Variants in TXNRD1 observed in about 807,000 individuals in gnomAD.
TXNRD1 encodes thioredoxin reductase 1, cytoplasmic.
A neutral mutation model predicts 80.3 loss-of-function variants in TXNRD1; 57 were observed. The ratio of observed to expected loss-of-function variants is 0.71; its 90% CI spans 0.57 to 0.89. The LOEUF (loss-of-function observed/expected upper bound fraction) is 0.89. Among genes scored for constraint, TXNRD1 ranks in the 40% least tolerant of loss-of-function variants. The pLI is 0.00. For synonymous variants in TXNRD1, 291 were observed against 285.2 expected, an observed-to-expected ratio of 1.02 and a Z score of -0.20; for missense variants, 730 against 803.0, an observed-to-expected ratio of 0.91 and a Z score of 1.10.
At chr12:104,300,579 C>T (rs928843299) in intron 4 of TXNRD1, among the ~76,000 whole-genome samples, 2 of 152,202 alleles carry the variant, frequency 1.3e-5, no homozygotes, top group Admixed American at 6.5e-5. Context: ...AAAGATTAAC[C>T]GGCATGGAAA....
intron 1 of TXNRD1, among the ~76,000 whole-genome samples, chr12:104,223,030 T>C (rs1319468521): frequency 3.9e-5 from 6 of 152,226 alleles, no homozygotes; most frequent in Non-Finnish European, 8.8e-5. Flanking sequence ...TGGTCCAGTA[T>C]GACATTGAAA....
At chr12:104,261,741 C>A (rs894101166) in intron 3 of TXNRD1, among the ~76,000 whole-genome samples, 1 of 152,012 alleles carries the variant, frequency 6.6e-6, no homozygotes, top group Non-Finnish European at 1.5e-5. Context: ...TGAAACAATG[C>A]CAGTCTTCTC....
intron 4 of TXNRD1, among the ~76,000 whole-genome samples, chr12:104,308,258 G>A (rs1221619717): frequency 2.6e-5 from 4 of 152,082 alleles, no homozygotes; most frequent in Non-Finnish European, 4.4e-5. Context: ...GCCTCTCAAA[G>A]TGCTGGGATT....
intron 4 of TXNRD1, among the ~76,000 whole-genome samples, chr12:104,310,311 G>C (rs1423038256): frequency 1.3e-5 from 2 of 152,040 alleles, no homozygotes; most frequent in Non-Finnish European, 2.9e-5. Flanking sequence ...CACTACACCT[G>C]GCTAATTTTT....
chr12:104,248,379 G>A (rs1480594182), intron 1 of TXNRD1, among the ~76,000 whole-genome samples: 1 of 152,164 alleles, frequency 6.6e-6, no homozygotes, highest in South Asian at 2.1e-4. Flanking sequence ...CCACCTCCTG[G>A]GTTCAAGCAG....
intron 3 of TXNRD1, 195 bp from the exon 4 acceptor site, chr12:104,288,736 G>C: frequency 1.4e-6 from 2 of 1,448,000 alleles, no homozygotes; most frequent in Non-Finnish European, 1.8e-6. Context: ...GATTTGCCGG[G>C]GTCAGACTCC....
At chr12:104,348,049 A>C (rs2036550061) in intron 16 of TXNRD1, among the ~76,000 whole-genome samples, 1 of 152,134 alleles carries the variant, frequency 6.6e-6, no homozygotes, top group South Asian at 2.1e-4. Context: ...TTTATGGTGA[A>C]TTTCTTTTAG....
chr12:104,267,241 C>CTCTTTCTTTCTTTCTTTCTTCCTT (rs2033516128), intron 3 of TXNRD1, among the ~76,000 whole-genome samples: 1 of 85,750 alleles, frequency 1.2e-5, no homozygotes, highest in Non-Finnish European at 2.1e-5. Flanking sequence ...ATTTTCTTTT[C>CTCTTTCTTTCTTTCTTTCTTCCTT]TCTTTCTTTC....
At chr12:104,304,172 G>T in intron 4 of TXNRD1, 1 of 1,614,080 alleles carries the variant, frequency 6.2e-7, no homozygotes, top group Non-Finnish European at 8.5e-7. Flanking sequence ...CTTTGATGGC[G>T]TGAGCCGAAC....
At chr12:104,329,753 C>T (rs1231779160) in intron 13 of TXNRD1, among the ~76,000 whole-genome samples, 1 of 152,214 alleles carries the variant, frequency 6.6e-6, no homozygotes, top group Non-Finnish European at 1.5e-5. Flanking sequence ...CTACAGACCT[C>T]AAGAACTCTC....
chr12:104,254,642 A>ATATATATAT (rs1555207862), intron 2 of TXNRD1, among the ~76,000 whole-genome samples: 8 of 104,542 alleles, frequency 7.7e-5, no homozygotes, highest in African/African-American at 3.2e-4. Context: ...AAAAAAAAAA[A>ATATATATAT]AAATATATAT....
intron 1 of TXNRD1, among the ~76,000 whole-genome samples, chr12:104,231,753 T>TA (rs2032628932): frequency 6.6e-6 from 1 of 152,224 alleles, no homozygotes; most frequent in Non-Finnish European, 1.5e-5. Context: ...TCACTTTCAT[T>TA]ACCTGGCAGA....
intron 3 of TXNRD1, chr12:104,265,383 G>A (rs1487769952): frequency 4.1e-5 from 66 of 1,607,214 alleles, no homozygotes; most frequent in Non-Finnish European, 5.4e-5. Flanking sequence ...GCCACACGCC[G>A]CCCCTCTACC....
intron 3 of TXNRD1, among the ~76,000 whole-genome samples, chr12:104,269,399 C>CTTTT (rs71069741): frequency 2.3e-4 from 28 of 120,422 alleles, no homozygotes; most frequent in African/African-American, 3.1e-4. Context: ...GTGTTTCTTT[C>CTTTT]TTTTTTTTTT....
chr12:104,279,287 G>GT (rs1191350885), intron 3 of TXNRD1, among the ~76,000 whole-genome samples: 7 of 152,228 alleles, frequency 4.6e-5, no homozygotes, highest in African/African-American at 9.6e-5. Context: ...TGCAATTGTA[G>GT]TAAGTACTAG....
At position 104,311,285 on chromosome 12, in the gene TXNRD1, T is replaced by G; in HGVS notation, c.415-5T>G. On this transcript the variant is annotated splice_region_variant and splice_polypyrimidine_tract_variant and intron_variant, in intron 4 of 16. Transcript: ENST00000525566. ...ATTATTTTCTCTTCTGTTATTTTTC[T>G]TTAGGCTTATCAGGAGGGCAGACTT... is the stretch of plus-strand genomic sequence containing the variant. 1 of 1,584,928 alleles carries G rather than the reference T, an allele frequency of 6.3e-7. No individual in the cohort carries two copies. The highest frequency in any genetic ancestry group is 2.3e-5 in the East Asian group (1 of 44,272).
At chr12:104,303,778 A>T in intron 4 of TXNRD1, 1 of 1,256,328 alleles carries the variant, frequency 8.0e-7, no homozygotes, top group Non-Finnish European at 1.1e-6. Flanking sequence ...GCCACTTTCC[A>T]CACGCTGGGA....
At chr12:104,297,105 A>G (rs1361228697) in intron 4 of TXNRD1, among the ~76,000 whole-genome samples, 1 of 151,916 alleles carries the variant, frequency 6.6e-6, no homozygotes, top group African/African-American at 2.4e-5. Context: ...GGAGTTTGAG[A>G]CTGACCTGGC....
At chr12:104,266,450 C>T (rs1211558868) in intron 3 of TXNRD1, among the ~76,000 whole-genome samples, 2 of 141,960 alleles carry the variant, frequency 1.4e-5, no homozygotes, top group Non-Finnish European at 3.0e-5. Context: ...CGCTTGAACC[C>T]GGGAGGTGGA....
Sources: allele counts gnomAD v4.1 joint callset (sites outside exome capture counted in the v4.1 genomes callset), GRCh38; gene constraint gnomAD v4.1.1; transcripts MANE v1.5; gene names NCBI Gene and HGNC (gene_info 2026-07-23, HGNC 2026-07-21).